Variants in SCUBE1 observed in about 807,000 individuals in gnomAD.
SCUBE1 encodes the protein signal peptide, CUB and EGF-like domain-containing protein 1.
SCUBE1 carries 59 observed loss-of-function variants against 124.4 expected under a neutral mutation model. The ratio of observed to expected loss-of-function variants is 0.47; its 90% confidence interval spans 0.38 to 0.59. The LOEUF is 0.59. Among genes scored for constraint, SCUBE1 ranks in the 20% least tolerant of loss-of-function variants. SCUBE1 has a pLI of 0.00. For missense variants in SCUBE1, 1,150 were observed against 1,371.2 expected, an observed-to-expected ratio of 0.84 and a Z score of 2.55; for synonymous variants, 545 against 550.9, an observed-to-expected ratio of 0.99 and a Z score of 0.15.
intron 4 of SCUBE1, among the ~76,000 whole-genome samples, chr22:43,288,254 C>T (rs1925222990): frequency 6.6e-6 from 1 of 152,156 alleles, no homozygotes; most frequent in African/African-American, 2.4e-5. Context: ...CCACCTGGGG[C>T]ATCTGGGTGG....
intron 4 of SCUBE1, among the ~76,000 whole-genome samples, chr22:43,269,728 G>T (rs865919391): frequency 2.0e-5 from 3 of 152,162 alleles, no homozygotes; most frequent in African/African-American, 7.2e-5. Context: ...GGGGTGGCAG[G>T]GGGAGGAGGC....
At chr22:43,343,136 C>T (rs1927386844) in intron 1 of SCUBE1, 38 bp downstream of exon 1, 1 of 1,083,128 alleles carries the variant, frequency 9.2e-7, no homozygotes. Flanking sequence ...GCCCGAGCCC[C>T]CCGCGCCCGC....
At position 43,281,514 on chromosome 22, in the gene SCUBE1, A is replaced by G. The variant is rs796069860; in HGVS notation, c.484+9532T>C. 1.4e-3 allele frequency among the ~76,000 whole-genome samples: 73 copies of G among 51,388 alleles called. 3 individuals carry two copies. The highest frequency in any genetic ancestry group is 4.4e-3 in the South Asian group (5 of 1,146). 33.7% of individuals were successfully genotyped at this position (51,388 alleles called of 152,430 possible). On this transcript the variant is annotated intron_variant, in intron 4 of 21. Transcript: ENST00000360835. Reference sequence around the variant, plus strand: ...GCCACCCTCCTGTCACCTCCTCCTCAGCCACCCTCCTGTCACCTCCCTCAG... The same window carrying G: ...GCCACCCTCCTGTCACCTCCTCCTCGGCCACCCTCCTGTCACCTCCCTCAG...
rs1043125810 is a variant in SCUBE1 at position 43,255,132 on chromosome 22, C to T, written c.727+3087G>A. Among the ~76,000 whole-genome samples the T allele has an allele frequency of 4.6e-5, 7 of 152,216 alleles. No individual in the cohort carries two copies. The highest frequency in any genetic ancestry group is 3.8e-4 in the East Asian group (2 of 5,196). On this transcript the variant is annotated intron_variant, in intron 6 of 21. Transcript: ENST00000360835. The surrounding 1 kb of genome is among the most constrained non-coding windows in gnomAD (Gnocchi z 4.7). ...TGTGAATGTGGGTGTTCACGCAAGT[C>T]GGGGAGCTTTACGACACACGTCTCC...
At chr22:43,280,764 A>ACC (rs1569009853) in intron 4 of SCUBE1, among the ~76,000 whole-genome samples, 2 of 84,574 alleles carry the variant, frequency 2.4e-5, no homozygotes, top group African/African-American at 1.3e-4. Flanking sequence ...CACCTCCCTC[A>ACC]TTGGCCACCC....
At position 43,210,025 on chromosome 22, in the gene SCUBE1, C is replaced by T; in HGVS notation, c.2581+18G>A. 1 of 1,583,148 alleles carries T rather than the reference C, an allele frequency of 6.3e-7. No homozygotes were observed. Among genetic ancestry groups the T allele is most frequent in the Non-Finnish European group, 8.6e-7 (1 of 1,163,806 alleles). On this transcript the variant is annotated intron_variant, in intron 19 of 21. Coordinates refer to ENST00000360835, the MANE Select transcript of SCUBE1 (RefSeq NM_173050.5). The surrounding 1 kb of genome is among the most constrained non-coding windows in gnomAD (Gnocchi z 4.5). ...ACGCAGCTGAGGCTGCCTCTGGTCC[C>T]CTCGGCCCCCAACATACCACTCTTC... is the stretch of plus-strand genomic sequence containing the variant.
At chr22:43,307,438 G>T (rs1926011124) in intron 3 of SCUBE1, among the ~76,000 whole-genome samples, 1 of 152,232 alleles carries the variant, frequency 6.6e-6, no homozygotes, top group African/African-American at 2.4e-5. Flanking sequence ...GGAGATTACA[G>T]TTCTGAGAAA....
chr22:43,244,497 A>G (rs1923128129), intron 6 of SCUBE1, among the ~76,000 whole-genome samples: 1 of 152,108 alleles, frequency 6.6e-6, no homozygotes, highest in African/African-American at 2.4e-5. Context: ...CTGGGACCCT[A>G]CCCTCTGTTG....
intron 4 of SCUBE1, chr22:43,270,318 C>G (rs868390700): frequency 1.3e-5 from 2 of 152,244 alleles, no homozygotes; most frequent in Non-Finnish European, 2.9e-5. Context: ...ACTGGAAACA[C>G]TTCTGGTCCC....
In SCUBE1 at chr22:43,208,082, G is replaced by A; in HGVS notation, c.2724C>T (p.Val908=). The stretch of plus-strand genomic sequence containing the variant: ...GACAGTGGATCTTACCATCGTAGGT[G>A]ACATAGGGCACTTGGAAGCCTTTGC... ...NSGKGFQVPY[V]TYDEDYQQLI... Residue 908 remains valine (V), a synonymous_variant, in exon 20 of 22, where the codon GTC becomes GTT. Coordinates refer to ENST00000360835, the MANE Select transcript of SCUBE1 (RefSeq NM_173050.5). The A allele has an allele frequency of 2.5e-6, 4 of 1,614,140 alleles. No homozygotes were observed. Among genetic ancestry groups the A allele is most frequent in the Non-Finnish European group, 3.4e-6 (4 of 1,180,018 alleles).
At chr22:43,328,626 C>T (rs1012071868) in intron 2 of SCUBE1, among the ~76,000 whole-genome samples, 19 of 152,278 alleles carry the variant, frequency 1.2e-4, no homozygotes, top group African/African-American at 4.3e-4. Context: ...CTTAGCAGAT[C>T]AGGGGCTCAT....
At chr22:43,341,111 G>A (rs558575642) in intron 1 of SCUBE1, among the ~76,000 whole-genome samples, 2 of 152,128 alleles carry the variant, frequency 1.3e-5, no homozygotes, top group African/African-American at 2.4e-5. Context: ...ATGCATGCAC[G>A]TGTGCGCACA....
At chr22:43,300,810 C>T (rs139667109) in intron 3 of SCUBE1, among the ~76,000 whole-genome samples, 181 of 152,084 alleles carry the variant, frequency 1.2e-3, no homozygotes, top group African/African-American at 3.1e-3. Context: ...TGGGAGATTT[C>T]GCACTGTCCC....
At chr22:43,271,843 A>G (rs1924305208) in intron 4 of SCUBE1, among the ~76,000 whole-genome samples, 1 of 152,172 alleles carries the variant, frequency 6.6e-6, no homozygotes, top group South Asian at 2.1e-4. Flanking sequence ...CAGGCCCCAC[A>G]GTGGGCTCTT....
intron 9 of SCUBE1, among the ~76,000 whole-genome samples, chr22:43,228,248 T>C (rs984648590): frequency 2.0e-5 from 3 of 152,080 alleles, no homozygotes; most frequent in Admixed American, 1.3e-4. Context: ...ACCATGCCCA[T>C]ATAACACCAA....
At chr22:43,245,618 C>T (rs1487845953) in intron 6 of SCUBE1, among the ~76,000 whole-genome samples, 1 of 152,154 alleles carries the variant, frequency 6.6e-6, no homozygotes, top group East Asian at 1.9e-4. Context: ...GCCCATGATC[C>T]CCAAGGGCCA....
chr22:43,307,324 C>T (rs984411445), intron 3 of SCUBE1, among the ~76,000 whole-genome samples: 1 of 152,210 alleles, frequency 6.6e-6, no homozygotes, highest in Non-Finnish European at 1.5e-5. Flanking sequence ...AAGCGTTCAT[C>T]AGGAGGCTGG....
chr22:43,320,869 G>C (rs1029190087), intron 2 of SCUBE1, among the ~76,000 whole-genome samples: 1 of 152,264 alleles, frequency 6.6e-6, no homozygotes, highest in African/African-American at 2.4e-5. Context: ...CAAACTCGTG[G>C]GTTTCAGAGC....
At position 43,234,974 on chromosome 22, in the gene SCUBE1, G is replaced by A. The variant is rs9620128; in HGVS notation, c.845-3099C>T. Among the ~76,000 whole-genome samples the A allele has an allele frequency of 7.9e-5, 12 of 152,242 alleles. No homozygotes were observed. The highest frequency in any genetic ancestry group is 1.2e-4 in the Non-Finnish European group (8 of 68,014). ...TGCTGACCCCAGCCCTGGGAAAAACGGCCCTTCCAGAAAGCCTTTCCCAGT... is the reference window on the plus strand; with the variant it reads ...TGCTGACCCCAGCCCTGGGAAAAACAGCCCTTCCAGAAAGCCTTTCCCAGT... On this transcript the variant is annotated intron_variant, in intron 7 of 21. Transcript: ENST00000360835. This position sits in a 1 kb window ranked among gnomAD's most constrained non-coding sequence, Gnocchi z 4.4.
Sources: gnomAD v4.1 joint callset for allele counts (sites outside exome capture counted in the v4.1 genomes callset) on GRCh38, gnomAD v4.1.1 for gene constraint, Gnocchi (gnomAD v3.1) non-coding constraint, MANE v1.5 for transcripts, NCBI Gene and HGNC (gene_info 2026-07-23, HGNC 2026-07-21) for gene names.